PDZRN4: variants seen among roughly 807,000 people sequenced by gnomAD.
The protein encoded by PDZRN4 is PDZ domain-containing RING finger protein 4.
A neutral mutation model predicts 99.0 loss-of-function variants in PDZRN4; 70 were observed. The observed-to-expected ratio is 0.71, with a 90% CI of 0.58 to 0.86. The LOEUF is 0.86. PDZRN4 is among the 40% of genes least tolerant of loss of function. PDZRN4 has a pLI of 0.00. For synonymous variants in PDZRN4, 551 were observed against 501.6 expected, an observed-to-expected ratio of 1.10 and a Z score of -1.32; for missense variants, 1,474 against 1,331.2, an observed-to-expected ratio of 1.11 and a Z score of -1.67.
chr12:41,280,985 T>A (rs1951381734), intron 3 of PDZRN4, among the ~76,000 whole-genome samples: 1 of 152,258 alleles, frequency 6.6e-6, no homozygotes, highest in South Asian at 2.1e-4. Context: ...ATCTGGCAGG[T>A]TCCCCTCTGG....
At position 41,573,416 on chromosome 12, in the gene PDZRN4, T is replaced by G. The variant is rs751868309; in HGVS notation, c.2637T>G (p.Ser879=). ...QLSLVSMCKE[S]QKCSEPKMEW... is the part of the protein sequence containing the mutation. ...GCTTGGTGAGCATGTGCAAGGAGTC[T>G]CAGAAGTGTTCAGAGCCCAAGATGG... Residue 879 remains serine, a synonymous_variant, in exon 10 of 10, where the codon TCT becomes TCG. Transcript: ENST00000402685. The G allele has an allele frequency of 1.2e-6, 2 of 1,613,624 alleles. No homozygotes were observed. Among genetic ancestry groups the G allele is most frequent in the South Asian group, 2.2e-5 (2 of 91,078 alleles).
intron 3 of PDZRN4, among the ~76,000 whole-genome samples, chr12:41,313,452 G>A (rs758658285): frequency 9.2e-5 from 14 of 152,154 alleles, no homozygotes; most frequent in South Asian, 6.2e-4. Flanking sequence ...TATCTCCAGC[G>A]GACTGGTACT....
chr12:41,201,762 T>C (rs1325450178), intron 3 of PDZRN4, among the ~76,000 whole-genome samples: 1 of 152,150 alleles, frequency 6.6e-6, no homozygotes. Context: ...GTCGAAAGAT[T>C]ATTGTTTCTT....
chr12:41,208,966 T>C (rs1950868805), intron 3 of PDZRN4, among the ~76,000 whole-genome samples: 1 of 152,000 alleles, frequency 6.6e-6, no homozygotes, highest in African/African-American at 2.4e-5. Context: ...ATTGTGCAAG[T>C]TAAGTTACAT....
chr12:41,330,729 G>T (rs926541856), intron 3 of PDZRN4, among the ~76,000 whole-genome samples: 1 of 152,008 alleles, frequency 6.6e-6, no homozygotes, highest in Non-Finnish European at 1.5e-5. Flanking sequence ...CTATCCAGTA[G>T]CCAAAGTAAT....
At chr12:41,453,250 A>C (rs1440433527) in intron 3 of PDZRN4, among the ~76,000 whole-genome samples, 1 of 152,140 alleles carries the variant, frequency 6.6e-6, no homozygotes, top group Non-Finnish European at 1.5e-5. Flanking sequence ...CTCAGTCTTC[A>C]GCACCCACTG....
At chr12:41,432,192 A>G (rs1341993854) in intron 3 of PDZRN4, among the ~76,000 whole-genome samples, 1 of 152,254 alleles carries the variant, frequency 6.6e-6, no homozygotes, top group African/African-American at 2.4e-5. Flanking sequence ...TAGTGTATAC[A>G]CATAAATACA....
At chr12:41,445,953 T>C (rs745508306) in intron 3 of PDZRN4, among the ~76,000 whole-genome samples, 1 of 152,048 alleles carries the variant, frequency 6.6e-6, no homozygotes, top group African/African-American at 2.4e-5. Context: ...ACCTGTCCCA[T>C]CTCCATCTCC....
Position 41,188,735 on chromosome 12 carries a change from C to G in PDZRN4, c.280C>G (p.Leu94Val), listed in dbSNP as rs886581340. 4 of 1,544,426 alleles carry G rather than the reference C, an allele frequency of 2.6e-6. No individual in the cohort carries two copies. The African/African-American group carries it at 4.2e-5, about 16-fold the overall frequency. The change falls in exon 1 of 10, where the codon CTG becomes GTG. Residue 94 changes from leucine to valine, a missense_variant. Transcript: ENST00000402685. ...CCGCGGCTGCGGCCACTCGGTCAGG[C>G]TGCACGAGCTGGAGGCGCACGTCGA... Reference protein sequence around the residue: ...RARGCGHSVRLHELEAHVEHC... With the variant: ...RARGCGHSVRVHELEAHVEHC...
chr12:41,191,768 A>AG (rs1390041187), intron 2 of PDZRN4, among the ~76,000 whole-genome samples: 1 of 93,780 alleles, frequency 1.1e-5, no homozygotes, highest in African/African-American at 4.0e-5. Flanking sequence ...TTATTTATTT[A>AG]TTTATTTATT....
chr12:41,501,233 A>G (rs915511237), intron 3 of PDZRN4, among the ~76,000 whole-genome samples: 2 of 152,154 alleles, frequency 1.3e-5, no homozygotes, highest in Admixed American at 6.6e-5. Context: ...GGAAACCCTC[A>G]TCATTCTCAA....
chr12:41,348,564 TGTA>T (rs1159860884), intron 3 of PDZRN4, among the ~76,000 whole-genome samples: 1 of 152,058 alleles, frequency 6.6e-6, no homozygotes, highest in Non-Finnish European at 1.5e-5. Context: ...ATGTTCTTGA[TGTA>T]GTAGTAAAAT....
chr12:41,496,682 G>T (rs1938010771), intron 3 of PDZRN4, among the ~76,000 whole-genome samples: 1 of 152,090 alleles, frequency 6.6e-6, no homozygotes, highest in Non-Finnish European at 1.5e-5. Context: ...AATGGAGCTG[G>T]GAAGTGAATG....
chr12:41,230,596 A>C (rs776534509), intron 3 of PDZRN4, among the ~76,000 whole-genome samples: 18 of 152,116 alleles, frequency 1.2e-4, no homozygotes, highest in Admixed American at 4.6e-4. Flanking sequence ...AGAAATAAGG[A>C]TGGCCTGTTT....
chr12:41,392,657 G>A (rs1198609656), intron 3 of PDZRN4, among the ~76,000 whole-genome samples: 1 of 152,126 alleles, frequency 6.6e-6, no homozygotes, highest in Non-Finnish European at 1.5e-5. Context: ...ATCACCTATT[G>A]AATCCTATTG....
At chr12:41,254,012 A>AAT (rs879487508) in intron 3 of PDZRN4, among the ~76,000 whole-genome samples, 1,787 of 119,408 alleles carry the variant, frequency 0.015, 33 homozygotes, top group African/African-American at 0.044. Flanking sequence ...GATAAAAGGA[A>AAT]ATATATATAT....
intron 3 of PDZRN4, among the ~76,000 whole-genome samples, chr12:41,450,944 C>T (rs1952769458): frequency 6.6e-6 from 1 of 151,760 alleles, no homozygotes; most frequent in Non-Finnish European, 1.5e-5. Context: ...AACAAACAAA[C>T]TACATATATG....
intron 3 of PDZRN4, among the ~76,000 whole-genome samples, chr12:41,208,492 A>G (rs1950865438): frequency 2.0e-5 from 3 of 151,910 alleles, no homozygotes; most frequent in African/African-American, 7.2e-5. Context: ...CAATTATTTT[A>G]ATCTTTGTCA....
chr12:41,457,980 C>T (rs958800526), intron 3 of PDZRN4, among the ~76,000 whole-genome samples: 8 of 151,824 alleles, frequency 5.3e-5, no homozygotes, highest in Non-Finnish European at 5.9e-5. Flanking sequence ...ATGAGAAGAG[C>T]AGGGAAAAGG....
Sources: gnomAD v4.1 joint callset for allele counts (sites outside exome capture counted in the v4.1 genomes callset) on GRCh38, gnomAD v4.1.1 for gene constraint, MANE v1.5 for transcripts, NCBI Gene and HGNC (gene_info 2026-07-23, HGNC 2026-07-21) for gene names.